Variants in GPAT3 observed in about 807,000 individuals in gnomAD.
The protein encoded by GPAT3 is glycerol-3-phosphate acyltransferase 3, also known as 1-AGP acyltransferase 9.
GPAT3 carries 53 observed loss-of-function variants against 58.8 expected under a neutral mutation model. The ratio of observed to expected loss-of-function variants is 0.90; its 90% CI spans 0.72 to 1.13. GPAT3 has a LOEUF of 1.13. GPAT3 is among the 50% of genes most tolerant of loss of function. GPAT3 has a pLI of 0.00. For missense variants in GPAT3, 511 were observed against 527.6 expected (o/e 0.97, Z 0.31); for synonymous variants, 197 against 187.4 (o/e 1.05, Z -0.42).
intron 2 of GPAT3, among the ~76,000 whole-genome samples, chr4:83,565,935 C>T (rs1160071125): frequency 1.3e-5 from 2 of 152,124 alleles, no homozygotes; most frequent in Non-Finnish European, 2.9e-5. Context: ...CGAGCAAAGG[C>T]GTGTGTCTAA....
At position 83,605,378 on chromosome 4, in the gene GPAT3, G is replaced by C. The variant is rs565443839; in HGVS notation, c.*611G>C. On this transcript the variant is annotated 3_prime_UTR_variant, in exon 12 of 12. Transcript: ENST00000264409. The stretch of plus-strand genomic sequence containing the variant: ...AAGAAAAGTGAGTCAAAGTTAATGT[G>C]TGTGCGCATTTATATGTAGGCAGCT... 1 of 152,306 alleles carries C rather than the reference G, an allele frequency of 6.6e-6. No homozygotes were observed. The highest frequency in any genetic ancestry group is 2.1e-4 in the South Asian group (1 of 4,834). The allele number at this position is 152,306 out of a possible 1,614,324, so 9.4% of individuals were successfully genotyped here. A position where few individuals can be genotyped will look rare whatever the true frequency, so the allele number is the denominator to read the frequency against.
At chr4:83,595,241 C>A in intron 7 of GPAT3, 1 of 223,164 alleles carries the variant, frequency 4.5e-6, no homozygotes, top group Non-Finnish European at 8.7e-6. Flanking sequence ...TAAAAATTAC[C>A]ACCTTTAAAT....
intron 2 of GPAT3, among the ~76,000 whole-genome samples, chr4:83,563,978 C>T (rs1311074924): frequency 6.6e-6 from 1 of 152,156 alleles, no homozygotes; most frequent in African/African-American, 2.4e-5. Flanking sequence ...TGGTTCCCAA[C>T]CTTTGCTGCT....
intron 2 of GPAT3, among the ~76,000 whole-genome samples, chr4:83,564,460 A>T (rs1013734618): frequency 2.0e-5 from 3 of 152,076 alleles, no homozygotes; most frequent in Admixed American, 1.3e-4. Context: ...GCAGTTTGGG[A>T]GGCTGAGGCG....
At chr4:83,600,339 C>T (rs1021022079) in intron 11 of GPAT3, among the ~76,000 whole-genome samples, 2 of 151,840 alleles carry the variant, frequency 1.3e-5, no homozygotes, top group African/African-American at 2.4e-5. Flanking sequence ...CATGAGTGCT[C>T]CACCCTCATG....
chr4:83,587,378 T>TA (rs1726416204), intron 4 of GPAT3, 49 bp downstream of exon 4: 1 of 1,455,550 alleles, frequency 6.9e-7, no homozygotes, highest in Non-Finnish European at 9.5e-7. Flanking sequence ...TCTTTTTTCT[T>TA]AGCTGTGTCC....
At chr4:83,601,859 T>C (rs1253279524) in intron 11 of GPAT3, among the ~76,000 whole-genome samples, 3 of 152,224 alleles carry the variant, frequency 2.0e-5, no homozygotes, top group Non-Finnish European at 4.4e-5. Flanking sequence ...TAGTGGCATC[T>C]CTGAAAGGCG....
At chr4:83,578,943 TTTTCTTTTCTTTC>T (rs1432344194) in intron 2 of GPAT3, among the ~76,000 whole-genome samples, 50 of 9,308 alleles carry the variant, frequency 5.4e-3, no homozygotes, top group African/African-American at 0.012. Flanking sequence ...CTTTCTTTTC[TTTTCTTTTCTTTC>T]TTTCTTTCTT....
intron 2 of GPAT3, 113 bp from the exon 3 acceptor site, chr4:83,581,449 A>C (rs17355321): frequency 0.23 from 270,912 of 1,179,482 alleles, 33,301 homozygotes; most frequent in Middle Eastern, 0.32. Context: ...GATGTCACCC[A>C]TTAAACTTAT....
rs569188872 is a variant in GPAT3, at chr4:83,536,524, G to C, written c.-99G>C. ...CGCAGAGGTGAGTGCCGGGCTCGGC[G>C]CTCTGCTCCTGGAGCTCCCGCGGGA... On this transcript the variant is annotated 5_prime_UTR_variant, in exon 1 of 12. Transcript: ENST00000264409. 1,887 of 1,516,226 alleles carry C rather than the reference G, an allele frequency of 1.2e-3. 41 individuals are homozygous for C. In the South Asian group the frequency reaches 0.024, roughly 19 times the overall value. 93.9% of individuals were successfully genotyped at this position (1,516,226 alleles called of 1,614,324 possible). A position where few individuals can be genotyped will look rare whatever the true frequency, so the allele number is the denominator to read the frequency against.
intron 1 of GPAT3, among the ~76,000 whole-genome samples, chr4:83,537,808 G>A (rs1724162222): frequency 6.6e-6 from 1 of 151,980 alleles, no homozygotes; most frequent in African/African-American, 2.4e-5. Flanking sequence ...GTTAGGATTA[G>A]GGACCCTGGA....
chr4:83,564,878 A>AT (rs142867169), intron 2 of GPAT3, among the ~76,000 whole-genome samples: 6,213 of 151,222 alleles, frequency 0.041, 452 homozygotes, highest in African/African-American at 0.14. Flanking sequence ...TAGTAGAAAC[A>AT]TTTTTTTTCC....
intron 2 of GPAT3, among the ~76,000 whole-genome samples, chr4:83,549,720 A>G (rs1578164050): frequency 6.8e-6 from 1 of 146,838 alleles, no homozygotes; most frequent in East Asian, 2.0e-4. Flanking sequence ...ATTTATTATT[A>G]TTATTATTGT....
At position 83,593,166 on chromosome 4, in the gene GPAT3, C is replaced by CT. The variant is rs761351611; in HGVS notation, c.739-1662dup. 3.4e-3 allele frequency among the ~76,000 whole-genome samples: 384 copies of CT among 112,364 alleles called. 7 individuals carry two copies. The highest frequency in any genetic ancestry group is 8.6e-3 in the African/African-American group (278 of 32,340). 73.7% of individuals were successfully genotyped at this position (112,364 alleles called of 152,430 possible). On this transcript the variant is annotated intron_variant, in intron 6 of 11. Coordinates refer to ENST00000264409, the MANE Select transcript of GPAT3 (RefSeq NM_032717.5). ...ACAGGTGTGAGCCACCGAGCCAGGA[C>CT]TTTTTTTTTTTTTTTTTAAACATAG...
At chr4:83,560,370 G>A (rs1725086513) in intron 2 of GPAT3, among the ~76,000 whole-genome samples, 2 of 152,138 alleles carry the variant, frequency 1.3e-5, no homozygotes, top group Non-Finnish European at 2.9e-5. Context: ...TCTCTGGTGT[G>A]GTGCCCAGGC....
intron 2 of GPAT3, among the ~76,000 whole-genome samples, chr4:83,571,653 T>A (rs1310570863): frequency 1.3e-5 from 2 of 151,428 alleles, no homozygotes; most frequent in Non-Finnish European, 2.9e-5. Context: ...ATGTATTTCC[T>A]TATAGTTTTC....
chr4:83,583,482 A>G (rs113627889), intron 3 of GPAT3, among the ~76,000 whole-genome samples: 4,028 of 151,384 alleles, frequency 0.027, 187 homozygotes, highest in African/African-American at 0.093. Context: ...GGCCTGGACA[A>G]CATGGTGAAA....
rs750818157 is a variant in GPAT3 at position 83,536,728 on chromosome 4, G to A, written c.106G>A (p.Glu36Lys). The A allele has an allele frequency of 6.2e-6, 10 of 1,613,324 alleles. No individual in the cohort carries two copies. In the Admixed American group the frequency reaches 1.7e-4, roughly 27 times the overall value. ...SVFGVSLGIS[E>K]IYMKILVKTL... Reference sequence around the variant, plus strand: ...CTTCGGAGTGTCTCTGGGCATCTCCGAGATCTACATGAAGATCCTAGTGAA... The same window carrying A: ...CTTCGGAGTGTCTCTGGGCATCTCCAAGATCTACATGAAGATCCTAGTGAA... Residue 36 changes from glutamate (E) to lysine (K), a missense_variant, in exon 1 of 12, where the codon GAG (glutamate) becomes AAG (lysine). Coordinates refer to ENST00000264409, the MANE Select transcript of GPAT3 (RefSeq NM_032717.5).
At chr4:83,573,655 A>G (rs1339987973) in intron 2 of GPAT3, among the ~76,000 whole-genome samples, 1 of 152,198 alleles carries the variant, frequency 6.6e-6, no homozygotes, top group Admixed American at 6.5e-5. Flanking sequence ...TGGAGATGGT[A>G]GGGAAGGATC....
Sources: allele counts gnomAD v4.1 joint callset (sites outside exome capture counted in the v4.1 genomes callset), GRCh38; gene constraint gnomAD v4.1.1; transcripts MANE v1.5; gene names NCBI Gene and HGNC (gene_info 2026-07-23, HGNC 2026-07-21).